The following AKT3 variants were observed in gnomAD, a reference collection of about 807,000 sequenced individuals.
AKT3 encodes the protein AKT serine/threonine kinase 3.
AKT3 carries 15 observed loss-of-function variants against 65.3 expected under a neutral mutation model. The observed-to-expected ratio is 0.23, with a 90% CI of 0.15 to 0.35. AKT3 has a LOEUF of 0.35. AKT3 is among the 10% of genes least tolerant of loss of function. The pLI, the probability that AKT3 is intolerant of heterozygous loss-of-function variation, is 1.00. For synonymous variants in AKT3, 206 were observed against 183.8 expected (o/e 1.12, Z -0.98); for missense variants, 243 against 576.5 (o/e 0.42, Z 5.92).
chr1:243,609,949 T>C (rs1572024557), intron 8 of AKT3, among the ~76,000 whole-genome samples: 1 of 152,160 alleles, frequency 6.6e-6, no homozygotes, highest in South Asian at 2.1e-4. Flanking sequence ...CATCTATCTA[T>C]CTGTTATGAT....
chr1:243,791,433 T>C (rs1572355049), intron 2 of AKT3, among the ~76,000 whole-genome samples: 1 of 152,154 alleles, frequency 6.6e-6, no homozygotes, highest in Non-Finnish European at 1.5e-5. Context: ...CTTCCAAAAT[T>C]AAGTCCATCC....
At chr1:243,695,037 CATT>C (rs1262458640) in intron 3 of AKT3, among the ~76,000 whole-genome samples, 3 of 151,888 alleles carry the variant, frequency 2.0e-5, no homozygotes, top group African/African-American at 2.4e-5. Flanking sequence ...TCATTATCAT[CATT>C]GTCATCTTTC....
intron 6 of AKT3, among the ~76,000 whole-genome samples, chr1:243,617,941 A>T (rs1678454129): frequency 6.6e-6 from 1 of 152,200 alleles, no homozygotes; most frequent in Admixed American, 6.5e-5. Flanking sequence ...AGAAATTCAC[A>T]GAAGATAACA....
intron 2 of AKT3, among the ~76,000 whole-genome samples, chr1:243,717,577 T>A (rs1333025577): frequency 6.6e-6 from 1 of 152,196 alleles, no homozygotes; most frequent in Non-Finnish European, 1.5e-5. Flanking sequence ...GAGAGACAAG[T>A]CAGATATTAA....
chr1:243,788,742 T>A (rs1691429966), intron 2 of AKT3: 1 of 152,590 alleles, frequency 6.6e-6, no homozygotes, highest in Non-Finnish European at 1.5e-5. Flanking sequence ...AGTCATAAAC[T>A]TTTTGCTGGT....
chr1:243,594,791 G>A (rs994257947), intron 8 of AKT3, among the ~76,000 whole-genome samples: 1 of 152,040 alleles, frequency 6.6e-6, no homozygotes, highest in Non-Finnish European at 1.5e-5. Flanking sequence ...TGTTGCCCAG[G>A]CTGGTCTCGA....
chr1:243,561,926 A>C lies in AKT3; in HGVS notation c.948+1794T>G, dbSNP rs534074170. On this transcript the variant is annotated intron_variant, in intron 10 of 13. Coordinates refer to ENST00000673466, the MANE Select transcript of AKT3 (RefSeq NM_005465.7). ...TGTGGTCTCTGTCTCTACCACTTTAACCTGTGCAGGCTTACAACTGCTTCA... is the reference window on the plus strand; with the variant it reads ...TGTGGTCTCTGTCTCTACCACTTTACCCTGTGCAGGCTTACAACTGCTTCA... 2.0e-5 allele frequency among the ~76,000 whole-genome samples: 3 copies of C among 152,202 alleles called. No individual in the cohort carries two copies. In the East Asian group the frequency reaches 5.8e-4, roughly 29 times the overall value.
chr1:243,561,984 T>C lies in AKT3; in HGVS notation c.948+1736A>G, dbSNP rs145558771. On this transcript the variant is annotated intron_variant, in intron 10 of 13. Coordinates refer to ENST00000673466, the MANE Select transcript of AKT3 (RefSeq NM_005465.7). The stretch of plus-strand genomic sequence containing the variant: ...AGGGTATGACAGAAATGATGTTGTG[T>C]GACTTCTGAAAATAGGCCATAAAAG... 7.8e-3 allele frequency among the ~76,000 whole-genome samples: 1,190 copies of C among 152,254 alleles called. 2 individuals are homozygous for C. Among genetic ancestry groups the C allele is most frequent in the Non-Finnish European group, 0.013 (867 of 68,012 alleles).
At chr1:243,569,901 A>G (rs1204072907) in intron 9 of AKT3, among the ~76,000 whole-genome samples, 1 of 152,222 alleles carries the variant, frequency 6.6e-6, no homozygotes, top group African/African-American at 2.4e-5. Context: ...TTAACATATA[A>G]TTTGGACTAC....
chr1:243,506,899 A>G (rs1389712027), intron 13 of AKT3, among the ~76,000 whole-genome samples: 1 of 152,248 alleles, frequency 6.6e-6, no homozygotes, highest in African/African-American at 2.4e-5. Context: ...TACCTTCAGC[A>G]GTATTTTTAG....
chr1:243,793,576 C>T (rs542192734), intron 2 of AKT3: 2 of 152,182 alleles, frequency 1.3e-5, no homozygotes, highest in African/African-American at 2.4e-5. Flanking sequence ...GGGTTCAAGA[C>T]CAGCCTGGGC....
At chr1:243,788,035 G>A (rs561945348) in intron 2 of AKT3, among the ~76,000 whole-genome samples, 1 of 151,484 alleles carries the variant, frequency 6.6e-6, no homozygotes, top group African/African-American at 2.4e-5. Flanking sequence ...GTATGCATTT[G>A]AGAACCCTAT....
chr1:243,517,175 G>C (rs1255138932), intron 12 of AKT3, among the ~76,000 whole-genome samples: 1 of 152,066 alleles, frequency 6.6e-6, no homozygotes, highest in African/African-American at 2.4e-5. Context: ...CCTTCAAAGA[G>C]AAAATGTTTT....
At chr1:243,651,826 G>C (rs1681359946) in intron 4 of AKT3, among the ~76,000 whole-genome samples, 1 of 152,056 alleles carries the variant, frequency 6.6e-6, no homozygotes, top group Admixed American at 6.6e-5. Flanking sequence ...TTGCATAGAT[G>C]TTCATCAGGG....
chr1:243,821,120 G>A (rs1273128804), intron 2 of AKT3, among the ~76,000 whole-genome samples: 2 of 152,070 alleles, frequency 1.3e-5, no homozygotes, highest in Admixed American at 1.3e-4. Context: ...AGAGATTGGG[G>A]ACCAATATAC....
At chr1:243,650,417 C>G (rs1681218633) in intron 4 of AKT3, among the ~76,000 whole-genome samples, 1 of 152,184 alleles carries the variant, frequency 6.6e-6, no homozygotes, top group African/African-American at 2.4e-5. Context: ...TTAATTAAAT[C>G]CCATTTGTCA....
At chr1:243,589,306 CAAAA>C (rs758254217) in intron 8 of AKT3, among the ~76,000 whole-genome samples, 1 of 40,884 alleles carries the variant, frequency 2.4e-5, no homozygotes, top group African/African-American at 9.5e-5. Flanking sequence ...AACTCCATCT[CAAAA>C]AAAAAAAAAA....
chr1:243,718,324 G>T (rs1052565930), intron 2 of AKT3, among the ~76,000 whole-genome samples: 1 of 152,096 alleles, frequency 6.6e-6, no homozygotes, highest in African/African-American at 2.4e-5. Context: ...ACTTACATAG[G>T]AGATGAAAAT....
intron 12 of AKT3, among the ~76,000 whole-genome samples, chr1:243,538,890 A>C (rs1275906922): frequency 6.6e-6 from 1 of 152,166 alleles, no homozygotes; most frequent in Non-Finnish European, 1.5e-5. Context: ...ACAATCCTTA[A>C]TCTAAATATG....
Sources: gnomAD v4.1 joint callset for allele counts (sites outside exome capture counted in the v4.1 genomes callset) on GRCh38, gnomAD v4.1.1 for gene constraint, MANE v1.5 for transcripts, NCBI Gene and HGNC (gene_info 2026-07-23, HGNC 2026-07-21) for gene names.